ELP6: variants seen among roughly 807,000 people sequenced by gnomAD.
ELP6 encodes the protein elongator complex protein 6.
Under a neutral mutation model 28.1 loss-of-function variants are expected in ELP6, and 23 were observed. The ratio of observed to expected loss-of-function variants is 0.82; its 90% CI spans 0.59 to 1.16. The LOEUF is 1.16. Among genes scored for constraint, ELP6 ranks in the 50% most tolerant of loss-of-function variants. The pLI, the probability that ELP6 is intolerant of heterozygous loss-of-function variation, is 0.00. For missense variants in ELP6, 313 were observed against 334.6 expected, an observed-to-expected ratio of 0.94 and a Z score of 0.50; for synonymous variants, 132 against 135.8, an observed-to-expected ratio of 0.97 and a Z score of 0.19.
Position 47,496,200 on chromosome 3 carries a change from A to G in ELP6, c.673-3T>C. The G allele has an allele frequency of 6.2e-7, 1 of 1,612,514 alleles. No individual in the cohort carries two copies. Among genetic ancestry groups the G allele is most frequent in the African/African-American group, 1.3e-5 (1 of 74,888 alleles). ...GGTCTCCTCCACAGGATCCTCAGCT[A>G]CAGAGACAGAGAAGAATGAAAGAGG... On this transcript the variant is annotated splice_polypyrimidine_tract_variant and splice_region_variant and intron_variant, in intron 6 of 6. Transcript: ENST00000296149.
chr3:47,496,920 T>C, intron 6 of ELP6: 3 of 985,458 alleles, frequency 3.0e-6, no homozygotes, highest in Non-Finnish European at 3.6e-6. Flanking sequence ...ATGGTGTTAC[T>C]GCTGACTACA....
At chr3:47,496,654 C>T in intron 6 of ELP6, 1 of 654,344 alleles carries the variant, frequency 1.5e-6, no homozygotes, top group Non-Finnish European at 1.9e-6. Context: ...ATCACCATGC[C>T]TGGGCAATTT....
intron 6 of ELP6, chr3:47,496,837 G>T: frequency 1.0e-6 from 1 of 985,336 alleles, no homozygotes; most frequent in Non-Finnish European, 1.2e-6. Flanking sequence ...TTGCGGGCTA[G>T]ACTAATTTTG....
intron 3 of ELP6, among the ~76,000 whole-genome samples, chr3:47,506,248 G>A (rs367933359): frequency 1.2e-4 from 19 of 152,186 alleles, no homozygotes; most frequent in African/African-American, 2.7e-4. Flanking sequence ...GAGGCAGGGC[G>A]AGATCACAGG....
chr3:47,511,807 CT>C lies in ELP6; in HGVS notation c.55-582del, dbSNP rs1305740716. ...CCTCTAAGGGTGGTCTCTGCAGAGC[CT>C]GACTGTCCTGCTCCATTCACCTCTA... On this transcript the variant is annotated intron_variant, in intron 1 of 6. Coordinates refer to ENST00000296149, the MANE Select transcript of ELP6 (RefSeq NM_001031703.3). The C allele has an allele frequency of 4.0e-6, 4 of 988,424 alleles. No homozygotes were observed. The East Asian group carries it at 4.5e-4, about 112-fold the overall frequency. The allele number at this position is 988,424 out of a possible 1,614,324, so 61.2% of individuals were successfully genotyped here. A position where few individuals can be genotyped will look rare whatever the true frequency, so the allele number is the denominator to read the frequency against.
intron 2 of ELP6, among the ~76,000 whole-genome samples, chr3:47,510,788 T>C (rs1389914031): frequency 2.0e-5 from 3 of 152,092 alleles, no homozygotes; most frequent in Non-Finnish European, 2.9e-5. Context: ...TTAGGAAGCA[T>C]CTACTGCCAG....
In ELP6 at chr3:47,511,231, A is replaced by C. The variant is rs766522243; in HGVS notation, c.55-5T>G. 123 of 1,613,814 alleles carry C rather than the reference A, an allele frequency of 7.6e-5. No homozygotes were observed. In the South Asian group the frequency reaches 1.1e-3, roughly 14 times the overall value. ...ACAGAGTAGAGTCAGTTTCCCCTAA[A>C]AGTTACAAGGAACACAAAAAGGTTA... On this transcript the variant is annotated splice_polypyrimidine_tract_variant and splice_region_variant and intron_variant, in intron 1 of 6. Transcript: ENST00000296149.
Position 47,513,551 on chromosome 3 carries a change from C to A in ELP6, c.40G>T (p.Asp14Tyr), listed in dbSNP as rs1271210450. 1.2e-6 allele frequency: 2 copies of A among 1,612,720 alleles called. No homozygotes were observed. Among genetic ancestry groups the A allele is most frequent in the African/African-American group, 1.3e-5 (1 of 74,854 alleles). Residue 14 changes from aspartate to tyrosine, a missense_variant, in exon 1 of 7, where the codon GAC becomes TAC. By Grantham distance (160) the Asp-to-Tyr change is radical. Coordinates refer to ENST00000296149, the MANE Select transcript of ELP6 (RefSeq NM_001031703.3). ...GGACCTCTTACCTGCTCCGCCCTGT[C>A]GGGGGTGGTGTTAAGCAGGTTATTA... Reference protein sequence around the residue: ...ELNNLLNTTPDRAEQGKLTLL... With the variant: ...ELNNLLNTTPYRAEQGKLTLL...
intron 1 of ELP6, chr3:47,512,159 T>C: frequency 1.4e-6 from 1 of 735,660 alleles, no homozygotes; most frequent in Non-Finnish European, 1.7e-6. Flanking sequence ...AATTTGGCGC[T>C]ATGGGGTCAT....
At chr3:47,497,142 G>A in intron 6 of ELP6, 2 of 984,640 alleles carry the variant, frequency 2.0e-6, no homozygotes, top group Non-Finnish European at 2.4e-6. Context: ...AGCTGTGGTG[G>A]AGGCTTGGGA....
In ELP6 at chr3:47,501,711, C is replaced by T; in HGVS notation, c.464G>A (p.Gly155Glu). Residue 155 changes from glycine (G) to glutamate (E), a missense_variant, in exon 5 of 7, where the codon GGG becomes GAG. Physicochemically the swap from Gly to Glu is moderately conservative, Grantham distance 98. Transcript: ENST00000296149. ...AATGAAGTCTAGCACAGCCACCGCC[C>T]CCATGCCCAGGCTCAGGAGCACACT... ...DLSVLLSLGM[G>E]AVAVLDFIHY... 2 of 1,614,072 alleles carry T rather than the reference C, an allele frequency of 1.2e-6. No individual in the cohort carries two copies. Among genetic ancestry groups the T allele is most frequent in the Non-Finnish European group, 1.7e-6 (2 of 1,180,018 alleles).
At position 47,503,683 on chromosome 3, in the gene ELP6, A is replaced by G. The variant is rs563948658; in HGVS notation, c.323+647T>C. 1.3e-3 allele frequency among the ~76,000 whole-genome samples: 195 copies of G among 152,232 alleles called. 1 individual carries two copies. Among genetic ancestry groups the G allele is most frequent in the African/African-American group, 4.4e-3 (182 of 41,542 alleles). On this transcript the variant is annotated intron_variant, in intron 4 of 6. Coordinates refer to ENST00000296149, the MANE Select transcript of ELP6 (RefSeq NM_001031703.3). ...TTTGGGAGGCCGAGGCGGGCGGATC[A>G]CGAGGTCAGGAGATCGAGACCATGG... is the stretch of plus-strand genomic sequence containing the variant.
intron 3 of ELP6, among the ~76,000 whole-genome samples, chr3:47,506,155 C>G (rs931960063): frequency 1.3e-5 from 2 of 152,168 alleles, no homozygotes; most frequent in African/African-American, 4.8e-5. Context: ...TAGGGACTTT[C>G]AAAAGGGGAC....
In ELP6 at chr3:47,513,551, CG is replaced by C. The variant is rs1395402715; in HGVS notation, c.39del (p.Asp14ThrfsTer8). 1 of 1,612,838 alleles carries C rather than the reference CG, an allele frequency of 6.2e-7. No individual in the cohort carries two copies. The highest frequency in any genetic ancestry group is 1.3e-5 in the African/African-American group (1 of 74,976). ...GGACCTCTTACCTGCTCCGCCCTGT[CG>C]GGGGTGGTGTTAAGCAGGTTATTAA... ...VELNNLLNTTPDRAEQGKLTL... is the reference protein window; with the variant it reads ...VELNNLLNTTXDRAEQGKLTL... On this transcript the variant is annotated frameshift_variant, in exon 1 of 7. Coordinates refer to ENST00000296149, the MANE Select transcript of ELP6 (RefSeq NM_001031703.3). LOFTEE classifies it high-confidence loss of function.
chr3:47,505,442 T>C (rs1046056795), intron 3 of ELP6, among the ~76,000 whole-genome samples: 1 of 152,134 alleles, frequency 6.6e-6, no homozygotes, highest in Non-Finnish European at 1.5e-5. Context: ...TCTCACTCTA[T>C]TGCCTAGGCT....
intron 1 of ELP6, chr3:47,512,991 CTTTT>C (rs35559100): frequency 7.3e-5 from 68 of 927,080 alleles, no homozygotes; most frequent in Admixed American, 1.4e-4. Flanking sequence ...TTCCCAGGTA[CTTTT>C]TTTTTTTTTT....
chr3:47,509,450 C>CA (rs1305890463), intron 3 of ELP6, among the ~76,000 whole-genome samples: 2 of 152,212 alleles, frequency 1.3e-5, no homozygotes, highest in Non-Finnish European at 2.9e-5. Context: ...CCATCTTATT[C>CA]TTGCCTGCCT....
Position 47,513,526 on chromosome 3 carries a change from G to A in ELP6, c.54+11C>T. 3 of 1,610,918 alleles carry A rather than the reference G, an allele frequency of 1.9e-6. No individual in the cohort carries two copies. The highest frequency in any genetic ancestry group is 2.5e-6 in the Non-Finnish European group (3 of 1,178,650). The stretch of plus-strand genomic sequence containing the variant: ...AGGTCCCGCCCCCTTCCGGCCAGCG[G>A]GACCTCTTACCTGCTCCGCCCTGTC... On this transcript the variant is annotated intron_variant, in intron 1 of 6. Coordinates refer to ENST00000296149, the MANE Select transcript of ELP6 (RefSeq NM_001031703.3).
chr3:47,511,111 T>G (rs766583754), intron 2 of ELP6, 37 bp downstream of exon 2: 4 of 1,564,416 alleles, frequency 2.6e-6, no homozygotes, highest in Non-Finnish European at 3.5e-6. Flanking sequence ...TGCACCCATC[T>G]TGGGTTTCTT....
Sources: allele counts gnomAD v4.1 joint callset (sites outside exome capture counted in the v4.1 genomes callset), GRCh38; gene constraint gnomAD v4.1.1; transcripts MANE v1.5; gene names NCBI Gene and HGNC (gene_info 2026-07-23, HGNC 2026-07-21).